Variants in LNP1 observed in about 807,000 individuals in gnomAD.
The protein encoded by LNP1 is leukemia NUP98 fusion partner 1.
LNP1 carries 12 observed loss-of-function variants against 14.5 expected under a neutral mutation model. The ratio of observed to expected loss-of-function variants is 0.83; its 90% CI spans 0.53 to 1.34. The LOEUF (loss-of-function observed/expected upper bound fraction) is 1.34. Among genes scored for constraint, LNP1 ranks in the 40% most tolerant of loss-of-function variants. The probability of loss-of-function intolerance (pLI) is 0.00; values close to 1 mark genes in which losing one functional copy is unlikely to be tolerated. For synonymous variants in LNP1, 75 were observed against 71.4 expected (o/e 1.05, Z -0.26); for missense variants, 198 against 210.9 (o/e 0.94, Z 0.38).
intron 2 of LNP1, among the ~76,000 whole-genome samples, chr3:100,438,446 T>C (rs1707312464): frequency 6.6e-6 from 1 of 152,168 alleles, no homozygotes; most frequent in Admixed American, 6.6e-5. Flanking sequence ...TTTGTTTCAA[T>C]TGATGAACCC....
At chr3:100,452,726 G>A (rs1707472065) in intron 3 of LNP1, among the ~76,000 whole-genome samples, 1 of 152,112 alleles carries the variant, frequency 6.6e-6, no homozygotes, top group Non-Finnish European at 1.5e-5. Context: ...AATAGGAGTG[G>A]GCTAGGTGCT....
intron 2 of LNP1, among the ~76,000 whole-genome samples, chr3:100,447,796 T>G (rs1413053322): frequency 6.6e-6 from 1 of 152,134 alleles, no homozygotes; most frequent in Middle Eastern, 3.2e-3. Flanking sequence ...ACAAGAAAAT[T>G]CCCTCTTTAT....
chr3:100,440,598 AT>A lies in LNP1; in HGVS notation c.156+10715del, dbSNP rs1707335599. Among the ~76,000 whole-genome samples, 3 of 152,176 alleles carry A rather than the reference AT, an allele frequency of 2.0e-5. No homozygotes were observed. The South Asian group carries it at 6.2e-4, about 32-fold the overall frequency. On this transcript the variant is annotated intron_variant, in intron 2 of 3. Coordinates refer to ENST00000383693, the MANE Select transcript of LNP1 (RefSeq NM_001085451.2). ...TATTTTACATAATCTTTGACTGCTAATTAAATATTAACATTCGTAACCATTT... is the reference window on the plus strand; with the variant it reads ...TATTTTACATAATCTTTGACTGCTAATAAATATTAACATTCGTAACCATTT...
intron 1 of LNP1, among the ~76,000 whole-genome samples, chr3:100,423,697 A>G (rs1213885626): frequency 6.6e-6 from 1 of 152,088 alleles, no homozygotes; most frequent in Non-Finnish European, 1.5e-5. Context: ...ATTCAGCATG[A>G]TAAGAAAATT....
intron 2 of LNP1, among the ~76,000 whole-genome samples, chr3:100,450,416 C>T (rs1045232903): frequency 1.3e-5 from 2 of 151,754 alleles, no homozygotes; most frequent in African/African-American, 2.4e-5. Context: ...TCACCGCAAC[C>T]TCCACCTCCT....
intron 3 of LNP1, among the ~76,000 whole-genome samples, chr3:100,452,847 A>C (rs755696566): frequency 6.6e-6 from 1 of 152,186 alleles, no homozygotes; most frequent in African/African-American, 2.4e-5. Flanking sequence ...TAAAGTAATA[A>C]ACTAAAGATC....
At chr3:100,402,988 T>G (rs2148897269) in intron 1 of LNP1, among the ~76,000 whole-genome samples, 1 of 152,370 alleles carries the variant, frequency 6.6e-6, no homozygotes, top group South Asian at 2.1e-4. Context: ...GAATCTGTTC[T>G]GGTTACTTTT....
At chr3:100,405,090 C>T (rs1280831075) in intron 1 of LNP1, among the ~76,000 whole-genome samples, 1 of 152,130 alleles carries the variant, frequency 6.6e-6, no homozygotes, top group Non-Finnish European at 1.5e-5. Context: ...CTGTACCCAG[C>T]CTGTGTTATC....
intron 3 of LNP1, among the ~76,000 whole-genome samples, chr3:100,453,235 C>G (rs1249186114): frequency 6.6e-6 from 1 of 152,078 alleles, no homozygotes; most frequent in African/African-American, 2.4e-5. Context: ...AGGCTGCTTT[C>G]TCCACCTGAT....
chr3:100,454,761 C>T (rs1240484277), intron 3 of LNP1, among the ~76,000 whole-genome samples: 2 of 152,294 alleles, frequency 1.3e-5, no homozygotes, highest in African/African-American at 2.4e-5. Context: ...TTCATGACTG[C>T]GTTAACATTG....
At chr3:100,454,350 C>A in intron 3 of LNP1, among the ~76,000 whole-genome samples, 1 of 152,020 alleles carries the variant, frequency 6.6e-6, no homozygotes, top group South Asian at 2.1e-4. Flanking sequence ...TTAGAAATTC[C>A]GAACATATAC....
intron 1 of LNP1, among the ~76,000 whole-genome samples, chr3:100,410,365 TAAAG>T (rs760743423): frequency 1.3e-5 from 2 of 151,920 alleles, no homozygotes; most frequent in Non-Finnish European, 2.9e-5. Flanking sequence ...CAGATACAAA[TAAAG>T]AACAGACAGT....
chr3:100,443,766 T>A (rs1392623134), intron 2 of LNP1, among the ~76,000 whole-genome samples: 3 of 152,214 alleles, frequency 2.0e-5, no homozygotes, highest in Non-Finnish European at 2.9e-5. Context: ...TCCAATTGTG[T>A]CCTGTTGTAA....
At chr3:100,419,220 A>G (rs1161393631) in intron 1 of LNP1, among the ~76,000 whole-genome samples, 1 of 152,206 alleles carries the variant, frequency 6.6e-6, no homozygotes, top group Non-Finnish European at 1.5e-5. Flanking sequence ...CTTTCTTCCC[A>G]GAGTACCTCT....
chr3:100,417,615 A>G (rs572124388), intron 1 of LNP1, among the ~76,000 whole-genome samples: 1 of 151,782 alleles, frequency 6.6e-6, no homozygotes, highest in South Asian at 2.1e-4. Context: ...GTGACCTCAA[A>G]TGATCCACCC....
intron 2 of LNP1, among the ~76,000 whole-genome samples, chr3:100,434,811 G>A (rs547461379): frequency 1.1e-4 from 17 of 149,558 alleles, no homozygotes; most frequent in African/African-American, 3.4e-4. Context: ...TTACAGGTGT[G>A]AGCCACTGCA....
At chr3:100,417,532 TGCCCTGCTAA>T in intron 1 of LNP1, among the ~76,000 whole-genome samples, 1 of 151,720 alleles carries the variant, frequency 6.6e-6, no homozygotes, top group Non-Finnish European at 1.5e-5. Context: ...CACGCCACCA[TGCCCTGCTAA>T]TTTTTTTTGT....
At chr3:100,423,050 A>T (rs1480189698) in intron 1 of LNP1, among the ~76,000 whole-genome samples, 1 of 152,174 alleles carries the variant, frequency 6.6e-6, no homozygotes, top group African/African-American at 2.4e-5. Flanking sequence ...CGTTGCCACT[A>T]AACAAGAGTC....
At chr3:100,417,310 G>A (rs1428774980) in intron 1 of LNP1, among the ~76,000 whole-genome samples, 1 of 141,596 alleles carries the variant, frequency 7.1e-6, no homozygotes, top group Non-Finnish European at 1.5e-5. Flanking sequence ...GGTGTTGGTT[G>A]TATGACGATA....
Sources: allele counts gnomAD v4.1 joint callset (sites outside exome capture counted in the v4.1 genomes callset), GRCh38; gene constraint gnomAD v4.1.1; transcripts MANE v1.5; gene names NCBI Gene and HGNC (gene_info 2026-07-23, HGNC 2026-07-21).